The following ELAPOR2 variants were observed in gnomAD, a reference collection of about 807,000 sequenced individuals.
ELAPOR2 encodes endosome/lysosome-associated apoptosis and autophagy regulator family member 2.
Under a neutral mutation model 120.7 loss-of-function variants are expected in ELAPOR2, and 89 were observed. The observed-to-expected ratio is 0.74, with a 90% CI of 0.62 to 0.88. The LOEUF is 0.88. Among genes scored for constraint, ELAPOR2 ranks in the 40% least tolerant of loss-of-function variants. ELAPOR2 has a pLI of 0.00. For synonymous variants in ELAPOR2, 444 were observed against 444.9 expected, an observed-to-expected ratio of 1.00 and a Z score of 0.03; for missense variants, 1,134 against 1,251.6, an observed-to-expected ratio of 0.91 and a Z score of 1.42.
At chr7:87,058,889 G>A (rs1377393701) in intron 1 of ELAPOR2, among the ~76,000 whole-genome samples, 2 of 151,986 alleles carry the variant, frequency 1.3e-5, no homozygotes, top group Admixed American at 6.6e-5. Context: ...GCAGAGACAG[G>A]GGAGTGGAGA....
chr7:86,969,982 C>G (rs1411608263), intron 1 of ELAPOR2, among the ~76,000 whole-genome samples: 1 of 152,162 alleles, frequency 6.6e-6, no homozygotes, highest in Non-Finnish European at 1.5e-5. Flanking sequence ...TGGTAAGCAG[C>G]AAGATCAAGC....
chr7:86,918,641 T>G, intron 11 of ELAPOR2, 97 bp from the exon 12 acceptor site: 1 of 749,536 alleles, frequency 1.3e-6, no homozygotes, highest in Non-Finnish European at 2.3e-6. Flanking sequence ...AAAGCCATGC[T>G]CTTCTCTTCC....
chr7:86,911,608 T>A lies in ELAPOR2; in HGVS notation c.2169+464A>T, dbSNP rs775961083. On this transcript the variant is annotated intron_variant, in intron 15 of 21. Coordinates refer to ENST00000450689, the MANE Select transcript of ELAPOR2 (RefSeq NM_001142749.3). ...CACAGCAAATAAAATCCCATTTGTA[T>A]GATTTAAGCCTACCTTATCAACTGA... 3 of 455,442 alleles carry A rather than the reference T, an allele frequency of 6.6e-6. No individual in the cohort carries two copies. In the East Asian group the frequency reaches 2.1e-4, roughly 32 times the overall value. 28.2% of individuals were successfully genotyped at this position (455,442 alleles called of 1,614,324 possible).
chr7:87,016,311 G>A (rs1793865768), intron 1 of ELAPOR2, among the ~76,000 whole-genome samples: 1 of 151,910 alleles, frequency 6.6e-6, no homozygotes, highest in Admixed American at 6.6e-5. Flanking sequence ...TACAAGTAAG[G>A]GGATGGGTAG....
At chr7:86,921,812 G>A (rs1160616631) in intron 10 of ELAPOR2, among the ~76,000 whole-genome samples, 1 of 152,068 alleles carries the variant, frequency 6.6e-6, no homozygotes, top group East Asian at 1.9e-4. Flanking sequence ...AATGCAGGAG[G>A]ACAATGGCGT....
chr7:86,957,515 C>T (rs1047578149), intron 2 of ELAPOR2, among the ~76,000 whole-genome samples: 3 of 152,050 alleles, frequency 2.0e-5, no homozygotes, highest in African/African-American at 4.8e-5. Flanking sequence ...AAAAAAGTGT[C>T]ATTTTTTTCC....
chr7:87,040,882 G>A (rs1459944414), intron 1 of ELAPOR2, among the ~76,000 whole-genome samples: 2 of 152,122 alleles, frequency 1.3e-5, no homozygotes, highest in South Asian at 4.1e-4. Flanking sequence ...TTAGAAGAAT[G>A]TATAACTAGA....
At chr7:87,034,811 A>C (rs1408249879) in intron 1 of ELAPOR2, among the ~76,000 whole-genome samples, 1 of 152,160 alleles carries the variant, frequency 6.6e-6, no homozygotes, top group Admixed American at 6.5e-5. Context: ...GGCCAGGCGC[A>C]GTGGCTCACG....
chr7:86,878,502 C>G lies in ELAPOR2; in HGVS notation c.*1969G>C, dbSNP rs1051842044. On this transcript the variant is annotated 3_prime_UTR_variant, in exon 22 of 22. Coordinates refer to ENST00000450689, the MANE Select transcript of ELAPOR2 (RefSeq NM_001142749.3). ...GTCCAGTGACAGGAGAAGAAAGAAG[C>G]TACCTGGGAGAAAATCCCAATTATC... The G allele has an allele frequency of 6.6e-6, 1 of 152,140 alleles. No homozygotes were observed. The highest frequency in any genetic ancestry group is 2.4e-5 in the African/African-American group (1 of 41,440). The allele number at this position is 152,140 out of a possible 1,614,324, so 9.4% of individuals were successfully genotyped here.
intron 11 of ELAPOR2, 139 bp from the exon 12 acceptor site, chr7:86,918,683 C>G: frequency 1.6e-6 from 1 of 613,250 alleles, no homozygotes; most frequent in Non-Finnish European, 2.9e-6. Context: ...CCCACAACTC[C>G]TTCCTCACTT....
chr7:87,013,268 C>A (rs1172641453), intron 1 of ELAPOR2, among the ~76,000 whole-genome samples: 1 of 152,060 alleles, frequency 6.6e-6, no homozygotes, highest in African/African-American at 2.4e-5. Context: ...AAAGCTCTAG[C>A]ACTATAAATC....
At chr7:86,933,780 T>C (rs901396292) in intron 8 of ELAPOR2, among the ~76,000 whole-genome samples, 10 of 152,046 alleles carry the variant, frequency 6.6e-5, no homozygotes, top group Non-Finnish European at 1.2e-4. Flanking sequence ...CTCAATTCCA[T>C]GACCCTCGAA....
chr7:87,029,093 T>C (rs569734570), intron 1 of ELAPOR2, among the ~76,000 whole-genome samples: 2 of 152,348 alleles, frequency 1.3e-5, no homozygotes, highest in Admixed American at 1.3e-4. Flanking sequence ...CCCTTATTTT[T>C]CTTCCTACAT....
intron 1 of ELAPOR2, among the ~76,000 whole-genome samples, chr7:87,044,694 C>T (rs80058105): frequency 5.5e-4 from 83 of 150,914 alleles, no homozygotes; most frequent in East Asian, 9.6e-4. Flanking sequence ...GACATAGGCA[C>T]GGGCAAGGAC....
intron 1 of ELAPOR2, among the ~76,000 whole-genome samples, chr7:86,998,427 C>T (rs1793197168): frequency 6.6e-6 from 1 of 152,180 alleles, no homozygotes; most frequent in Non-Finnish European, 1.5e-5. Flanking sequence ...AGCGATTTAG[C>T]TTAATGATGG....
intron 1 of ELAPOR2, among the ~76,000 whole-genome samples, chr7:87,003,599 G>C (rs1012270197): frequency 2.0e-5 from 3 of 152,054 alleles, no homozygotes; most frequent in Non-Finnish European, 4.4e-5. Context: ...CATGCCTCCT[G>C]GACAGCCTGT....
intron 2 of ELAPOR2, among the ~76,000 whole-genome samples, chr7:86,961,538 A>G (rs1828018892): frequency 6.6e-6 from 1 of 152,220 alleles, no homozygotes; most frequent in Non-Finnish European, 1.5e-5. Flanking sequence ...TTGAAGCAAA[A>G]GGGCTTTGTC....
intron 1 of ELAPOR2, among the ~76,000 whole-genome samples, chr7:86,972,052 G>A (rs940132414): frequency 1.3e-5 from 2 of 152,118 alleles, no homozygotes; most frequent in Non-Finnish European, 2.9e-5. Context: ...ATGTAAAAGT[G>A]TTAGAGGACC....
At position 86,944,979 on chromosome 7, in the gene ELAPOR2, A is replaced by C. The variant is rs1157973571; in HGVS notation, c.574T>G (p.Tyr192Asp). 1 of 1,550,682 alleles carries C rather than the reference A, an allele frequency of 6.4e-7. No homozygotes were observed. Among genetic ancestry groups the C allele is most frequent in the Non-Finnish European group, 8.7e-7 (1 of 1,146,418 alleles). The change falls in exon 4 of 22, where the codon TAT becomes GAT. Residue 192 changes from tyrosine to aspartate, a missense_variant. Tyr to Asp is a radical substitution (Grantham distance 160). Transcript: ENST00000450689. ...CCTGACTTCTTAAGGTGCACAGCAT[A>C]GATCAAAGACACCGTGCAGTCATCA... is the stretch of plus-strand genomic sequence containing the variant. ...NRDDCTVSLI[Y>D]AVHLKKSGYV...
Sources: allele counts gnomAD v4.1 joint callset (sites outside exome capture counted in the v4.1 genomes callset), GRCh38; gene constraint gnomAD v4.1.1; transcripts MANE v1.5; gene names NCBI Gene and HGNC (gene_info 2026-07-23, HGNC 2026-07-21).